The following TAFA2 variants were observed in gnomAD, a reference collection of about 807,000 sequenced individuals.
The protein encoded by TAFA2 is TAFA chemokine like family member 2.
TAFA2 carries 7 observed loss-of-function variants against 18.8 expected under a neutral mutation model. The observed-to-expected ratio is 0.37, with a 90% CI of 0.21 to 0.70. The LOEUF is 0.70. Ranked by LOEUF, TAFA2 falls within the 30% of genes least tolerant of loss-of-function variation. The probability of loss-of-function intolerance (pLI) is 0.53; values close to 1 mark genes in which losing one functional copy is unlikely to be tolerated. For synonymous variants in TAFA2, 60 were observed against 54.2 expected (o/e 1.11, Z -0.47); for missense variants, 122 against 158.1 (o/e 0.77, Z 1.23).
At chr12:62,212,196 G>A (rs533303228) in intron 1 of TAFA2, among the ~76,000 whole-genome samples, 1 of 152,274 alleles carries the variant, frequency 6.6e-6, no homozygotes, top group East Asian at 1.9e-4. Context: ...CAGAATTGGA[G>A]AGGAAGTTTC....
intron 1 of TAFA2, among the ~76,000 whole-genome samples, chr12:62,245,661 A>G (rs1029373634): frequency 2.0e-5 from 3 of 147,664 alleles, no homozygotes; most frequent in African/African-American, 7.3e-5. Context: ...TAGAATATAC[A>G]TTAAAATATT....
intron 1 of TAFA2, among the ~76,000 whole-genome samples, chr12:62,047,572 A>G (rs1190162684): frequency 6.6e-6 from 1 of 152,148 alleles, no homozygotes; most frequent in African/African-American, 2.4e-5. Context: ...TACTAATTTA[A>G]TTTCCAATGT....
chr12:62,113,458 G>T (rs1029550231), intron 1 of TAFA2, among the ~76,000 whole-genome samples: 2 of 152,210 alleles, frequency 1.3e-5, no homozygotes, highest in African/African-American at 4.8e-5. Context: ...AGGAGGCACA[G>T]GAGGCACGGA....
chr12:61,919,610 T>A (rs988971), intron 1 of TAFA2, among the ~76,000 whole-genome samples: 15,352 of 152,118 alleles, frequency 0.1, 857 homozygotes, highest in East Asian at 0.22. Flanking sequence ...AGATCAACCA[T>A]CAATACAATC....
At chr12:61,813,845 C>A (rs371000975) in intron 2 of TAFA2, among the ~76,000 whole-genome samples, 1 of 151,430 alleles carries the variant, frequency 6.6e-6, no homozygotes, top group Non-Finnish European at 1.5e-5. Context: ...ATGTACCTAT[C>A]TCATACTGTT....
chr12:61,759,783 T>A (rs7487661), intron 2 of TAFA2, among the ~76,000 whole-genome samples: 1 of 151,682 alleles, frequency 6.6e-6, no homozygotes, highest in Non-Finnish European at 1.5e-5. Context: ...AGATGAAAAA[T>A]AAAATATTTA....
chr12:61,928,950 T>C (rs753525888), intron 1 of TAFA2, among the ~76,000 whole-genome samples: 2 of 150,650 alleles, frequency 1.3e-5, no homozygotes, highest in Admixed American at 6.6e-5. Flanking sequence ...AAAGTGGGAG[T>C]TGAACAATGA....
intron 2 of TAFA2, among the ~76,000 whole-genome samples, chr12:61,762,617 G>A (rs1160088246): frequency 7.0e-6 from 1 of 142,758 alleles, no homozygotes; most frequent in African/African-American, 2.5e-5. Context: ...TTCTATAGAA[G>A]TTCTAATTTC....
At chr12:61,722,677 A>T (rs1030841548) in intron 4 of TAFA2, among the ~76,000 whole-genome samples, 7 of 152,294 alleles carry the variant, frequency 4.6e-5, no homozygotes, top group African/African-American at 1.4e-4. Flanking sequence ...GGGACTTTTT[A>T]AAAATTTCAT....
At chr12:62,195,913 G>A (rs1173934207), upstream of TAFA2, among the ~76,000 whole-genome samples, 1 of 152,156 alleles carries the variant, frequency 6.6e-6, no homozygotes, top group Non-Finnish European at 1.5e-5. Context: ...CTTCTCTCTA[G>A]CTGGGAAAGT....
intron 1 of TAFA2, among the ~76,000 whole-genome samples, chr12:62,103,095 C>T (rs1046416382): frequency 6.6e-6 from 1 of 152,166 alleles, no homozygotes; most frequent in Non-Finnish European, 1.5e-5. Flanking sequence ...AGAGTTCACA[C>T]TCAGAAAAGT....
intron 1 of TAFA2, among the ~76,000 whole-genome samples, chr12:62,074,182 T>C (rs907127078): frequency 7.2e-5 from 11 of 152,210 alleles, no homozygotes; most frequent in African/African-American, 2.7e-4. Context: ...AGAAAGATAA[T>C]GTATGGCAAA....
chr12:62,239,337 C>T (rs1238041492), intron 1 of TAFA2, among the ~76,000 whole-genome samples: 2 of 152,174 alleles, frequency 1.3e-5, no homozygotes, highest in African/African-American at 4.8e-5. Context: ...AGTAATTCCA[C>T]CTTATCTCTG....
Position 61,971,075 on chromosome 12 carries a change from G to A in TAFA2, c.-1-103649C>T, listed in dbSNP as rs138521695. Among the ~76,000 whole-genome samples, 911 of 151,718 alleles carry A rather than the reference G, an allele frequency of 6.0e-3. 5 individuals carry two copies. The highest frequency in any genetic ancestry group is 9.3e-3 in the Non-Finnish European group (630 of 67,746). On this transcript the variant is annotated intron_variant, in intron 1 of 4. Coordinates refer to ENST00000416284, the MANE Select transcript of TAFA2 (RefSeq NM_178539.5). The stretch of plus-strand genomic sequence containing the variant: ...AAGAAGAAGTGGAAAGAAGCTGGGA[G>A]GGTATGGAAAGCAGGGAAGAATAAG...
At chr12:61,838,171 G>T (rs2121114072) in intron 2 of TAFA2, among the ~76,000 whole-genome samples, 1 of 152,036 alleles carries the variant, frequency 6.6e-6, no homozygotes, top group East Asian at 1.9e-4. Flanking sequence ...TGTGAGGAAG[G>T]AAATTGCAGG....
chr12:62,170,296 T>C (rs1054912552), intron 1 of TAFA2, among the ~76,000 whole-genome samples: 1 of 152,260 alleles, frequency 6.6e-6, no homozygotes, highest in Non-Finnish European at 1.5e-5. Context: ...GAACCTGATG[T>C]TAAGTCATTA....
intron 2 of TAFA2, among the ~76,000 whole-genome samples, chr12:61,862,831 C>A (rs1214445671): frequency 1.3e-5 from 2 of 152,176 alleles, no homozygotes; most frequent in Non-Finnish European, 2.9e-5. Context: ...ATTATATTCC[C>A]TCCTGAATAC....
intron 1 of TAFA2, among the ~76,000 whole-genome samples, chr12:62,255,709 C>T (rs892100426): frequency 6.6e-6 from 1 of 151,422 alleles, no homozygotes; most frequent in East Asian, 2.0e-4. Flanking sequence ...AAAAATTAGG[C>T]TGGGCATGGT....
At chr12:62,032,859 G>A (rs1881496515) in intron 1 of TAFA2, among the ~76,000 whole-genome samples, 1 of 152,080 alleles carries the variant, frequency 6.6e-6, no homozygotes, top group African/African-American at 2.4e-5. Flanking sequence ...ACTAAAATCA[G>A]AAAAGGAAAC....
Sources: allele counts gnomAD v4.1 joint callset (sites outside exome capture counted in the v4.1 genomes callset), GRCh38; gene constraint gnomAD v4.1.1; transcripts MANE v1.5; gene names NCBI Gene and HGNC (gene_info 2026-07-23, HGNC 2026-07-21).